LIFR: variants seen among roughly 807,000 people sequenced by gnomAD.
The protein encoded by LIFR is leukemia inhibitory factor receptor.
Under a neutral mutation model 122.2 loss-of-function variants are expected in LIFR, and 84 were observed. The observed-to-expected ratio is 0.69, with a 90% CI of 0.58 to 0.82. The LOEUF (loss-of-function observed/expected upper bound fraction) is 0.82, where lower values mean the gene tolerates loss of function less well. Among genes scored for constraint, LIFR ranks in the 40% least tolerant of loss-of-function variants. The pLI is 0.00. For missense variants in LIFR, 1,294 were observed against 1,311.6 expected (o/e 0.99, Z 0.21); for synonymous variants, 422 against 434.7 (o/e 0.97, Z 0.36).
chr5:38,501,348 T>G (rs949601477), intron 11 of LIFR, among the ~76,000 whole-genome samples: 15 of 152,252 alleles, frequency 9.9e-5, no homozygotes, highest in African/African-American at 3.6e-4. Flanking sequence ...AAAATCTAGA[T>G]TAACATCTAT....
At chr5:38,497,781 T>A (rs971607502) in intron 12 of LIFR, among the ~76,000 whole-genome samples, 3 of 152,202 alleles carry the variant, frequency 2.0e-5, no homozygotes, top group Non-Finnish European at 4.4e-5. Flanking sequence ...TATGCTAATA[T>A]ACGCTTGTCC....
chr5:38,496,303 T>C (rs1049351486), intron 13 of LIFR, 79 bp downstream of exon 13: 3 of 1,160,886 alleles, frequency 2.6e-6, no homozygotes, highest in Admixed American at 3.4e-5. Flanking sequence ...AAGGCTGACA[T>C]GACAAAAGAG....
rs187333955 is a variant in LIFR at position 38,549,966 on chromosome 5, G to A, written c.-20+6368C>T. 4.9e-3 allele frequency among the ~76,000 whole-genome samples: 752 copies of A among 152,226 alleles called. 15 individuals carry two copies. Among genetic ancestry groups the A allele is most frequent in the Admixed American group, 0.042 (643 of 15,286 alleles). On this transcript the variant is annotated intron_variant, in intron 1 of 19. Transcript: ENST00000453190. ...AAGTAGGCTTCTTAAGAATCACTGC[G>A]AGGAGAAAGGTATCGACAGGAGTAT... is the stretch of plus-strand genomic sequence containing the variant.
Position 38,479,257 on chromosome 5 carries a change from A to C in LIFR, c.*2338T>G, listed in dbSNP as rs1049096599. On this transcript the variant is annotated 3_prime_UTR_variant, in exon 20 of 20. Coordinates refer to ENST00000453190, the MANE Select transcript of LIFR (RefSeq NM_001127671.2). ...CATTCTTTTAAGCACACAGCAACTT[A>C]TAAGGAGCTTGCCCAGACTTAATAG... The C allele has an allele frequency of 4.3e-6, 1 of 231,902 alleles. No individual in the cohort carries two copies. The allele number at this position is 231,902 out of a possible 1,614,324, so 14.4% of individuals were successfully genotyped here.
At chr5:38,564,714 A>T (rs1004268146) in intron 1 of LIFR, among the ~76,000 whole-genome samples, 4 of 147,796 alleles carry the variant, frequency 2.7e-5, no homozygotes, top group Non-Finnish European at 5.9e-5. Context: ...ATATACACAC[A>T]ATATATATAT....
At chr5:38,485,400 T>C (rs1397995271) in intron 17 of LIFR, among the ~76,000 whole-genome samples, 2 of 152,208 alleles carry the variant, frequency 1.3e-5, no homozygotes, top group East Asian at 1.9e-4. Context: ...CGCAGAAAGA[T>C]AGTCAAGGCC....
intron 17 of LIFR, 143 bp downstream of exon 17, chr5:38,485,676 C>A (rs1006733063): frequency 3.7e-6 from 3 of 811,606 alleles, no homozygotes; most frequent in African/African-American, 1.7e-5. Flanking sequence ...AGCTTTTTAA[C>A]CCTTCCCTCT....
intron 6 of LIFR, among the ~76,000 whole-genome samples, chr5:38,511,246 T>A (rs1488146981): frequency 6.6e-6 from 1 of 152,186 alleles, no homozygotes; most frequent in Non-Finnish European, 1.5e-5. Context: ...AATCCTTTTA[T>A]CCATAGAGTG....
intron 12 of LIFR, among the ~76,000 whole-genome samples, chr5:38,498,645 G>A (rs1176641274): frequency 6.6e-6 from 1 of 152,178 alleles, no homozygotes; most frequent in African/African-American, 2.4e-5. Flanking sequence ...AATGTTTTTA[G>A]TCTTAAGTTT....
intron 9 of LIFR, among the ~76,000 whole-genome samples, chr5:38,504,884 T>G (rs1198894580): frequency 6.6e-6 from 1 of 152,142 alleles, no homozygotes; most frequent in African/African-American, 2.4e-5. Context: ...AACAGGATCA[T>G]CTACTAATCA....
intron 5 of LIFR, among the ~76,000 whole-genome samples, chr5:38,517,778 AC>A (rs1334089820): frequency 7.2e-6 from 1 of 138,574 alleles, no homozygotes; most frequent in African/African-American, 2.7e-5. Flanking sequence ...AATAGCTTGA[AC>A]CCGGGATTTG....
intron 1 of LIFR, among the ~76,000 whole-genome samples, chr5:38,572,116 C>T (rs1310137479): frequency 6.6e-6 from 1 of 152,116 alleles, no homozygotes; most frequent in Non-Finnish European, 1.5e-5. Flanking sequence ...TCTGTTCTCA[C>T]ATTACTATAA....
At position 38,481,682 on chromosome 5, in the gene LIFR, C is replaced by A. The variant is rs2112353719; in HGVS notation, c.3207G>T (p.Leu1069Phe). 1.2e-6 allele frequency: 2 copies of A among 1,614,106 alleles called. No homozygotes were observed. Among genetic ancestry groups the A allele is most frequent in the Middle Eastern group, 1.6e-4 (1 of 6,062 alleles). The change falls in exon 20 of 20, where the codon TTG (leucine) becomes TTT (phenylalanine). Residue 1069 changes from leucine to phenylalanine, a missense_variant. Transcript: ENST00000453190. ...SPCSINSRQF[L>F]IPPKDEDSPK... is the part of the protein sequence containing the mutation. ...GAGAGTCTTCATCTTTAGGAGGAAT[C>A]AAAAATTGTCGGGAATTAATGGAGC...
chr5:38,551,622 T>C (rs1409065690), intron 1 of LIFR, among the ~76,000 whole-genome samples: 3 of 152,176 alleles, frequency 2.0e-5, no homozygotes, highest in Non-Finnish European at 4.4e-5. Flanking sequence ...TATCACCGCC[T>C]TGTGGCCTCT....
chr5:38,543,411 A>G (rs1292986679), intron 1 of LIFR, among the ~76,000 whole-genome samples: 2 of 152,230 alleles, frequency 1.3e-5, no homozygotes, highest in South Asian at 2.1e-4. Context: ...TAGACTTGCA[A>G]TTATGACTCT....
intron 1 of LIFR, chr5:38,530,910 A>G (rs1746971671): frequency 9.4e-6 from 4 of 424,196 alleles, no homozygotes; most frequent in Non-Finnish European, 1.3e-5. Context: ...TAAAGATCAT[A>G]ACTATAATTA....
In LIFR at chr5:38,478,170, A is replaced by G. The variant is rs1384087555; in HGVS notation, c.*3425T>C. On this transcript the variant is annotated 3_prime_UTR_variant, in exon 20 of 20. Coordinates refer to ENST00000453190, the MANE Select transcript of LIFR (RefSeq NM_001127671.2). ...GCAATGTTTGTTAAATATGGACGGC[A>G]TGAAGACAATTAAGAAACTATAGGA... is the stretch of plus-strand genomic sequence containing the variant. 9.6e-6 allele frequency: 2 copies of G among 208,606 alleles called. No homozygotes were observed. The highest frequency in any genetic ancestry group is 2.0e-5 in the Non-Finnish European group (2 of 102,526). The allele number at this position is 208,606 out of a possible 1,614,324, so 12.9% of individuals were successfully genotyped here.
chr5:38,525,668 A>G (rs1746641706), intron 4 of LIFR, among the ~76,000 whole-genome samples: 1 of 152,170 alleles, frequency 6.6e-6, no homozygotes, highest in Admixed American at 6.6e-5. Context: ...CTTTAAAAAG[A>G]AGTTTTAAGT....
chr5:38,526,406 C>G (rs955024073), intron 4 of LIFR, among the ~76,000 whole-genome samples: 5 of 145,608 alleles, frequency 3.4e-5, no homozygotes, highest in African/African-American at 1.3e-4. Context: ...ATGGTAAGTA[C>G]AAACTTTACT....
Sources: allele counts gnomAD v4.1 joint callset (sites outside exome capture counted in the v4.1 genomes callset), GRCh38; gene constraint gnomAD v4.1.1; transcripts MANE v1.5; gene names NCBI Gene and HGNC (gene_info 2026-07-23, HGNC 2026-07-21).